KIF26B: variants seen among roughly 807,000 people sequenced by gnomAD.
KIF26B encodes the protein kinesin-like protein KIF26B.
KIF26B carries 63 observed loss-of-function variants against 151.2 expected under a neutral mutation model. The observed-to-expected ratio is 0.42, with a 90% CI of 0.34 to 0.51. The LOEUF (loss-of-function observed/expected upper bound fraction) is 0.51. KIF26B is among the 20% of genes least tolerant of loss of function. The pLI is 0.07. For missense variants in KIF26B, 2,813 were observed against 2,913.6 expected, an observed-to-expected ratio of 0.97 and a Z score of 0.79; for synonymous variants, 1,357 against 1,262.1, an observed-to-expected ratio of 1.08 and a Z score of -1.59.
intron 2 of KIF26B, among the ~76,000 whole-genome samples, chr1:245,177,454 T>A (rs1668828813): frequency 6.6e-6 from 1 of 152,268 alleles, no homozygotes; most frequent in East Asian, 1.9e-4. Context: ...CTGGACTATG[T>A]TGGGGGCATT....
At position 245,685,823 on chromosome 1, in the gene KIF26B, T is replaced by C. The variant is rs750832065; in HGVS notation, c.2840T>C (p.Phe947Ser). 3 of 1,610,846 alleles carry C rather than the reference T, an allele frequency of 1.9e-6. No individual in the cohort carries two copies. The highest frequency in any genetic ancestry group is 1.1e-5 in the South Asian group (1 of 90,962). ...DGSEEPSSFP[F>S]EELPAQFGPE... ...AGCGAGGAGCCCAGCAGCTTTCCTT[T>C]CGAAGAACTGCCTGCTCAGTTTGGG... Residue 947 changes from phenylalanine to serine, a missense_variant, in exon 12 of 15, where the codon TTC (phenylalanine) becomes TCC (serine). By Grantham distance (155) the Phe-to-Ser change is radical. Coordinates refer to ENST00000407071, the MANE Select transcript of KIF26B (RefSeq NM_018012.4).
At chr1:245,635,145 G>T (rs2043821753) in intron 9 of KIF26B, among the ~76,000 whole-genome samples, 1 of 145,422 alleles carries the variant, frequency 6.9e-6, no homozygotes, top group Non-Finnish European at 1.5e-5. Flanking sequence ...TTTGGTATCA[G>T]ATTAGTATAG....
intron 2 of KIF26B, among the ~76,000 whole-genome samples, chr1:245,202,741 C>CT (rs1206484072): frequency 9.4e-5 from 11 of 116,782 alleles, no homozygotes; most frequent in African/African-American, 1.7e-4. Flanking sequence ...GCCTGGGTGA[C>CT]AGAGCGAGAC....
rs1041267801 is a variant in KIF26B at position 245,704,309 on chromosome 1, A to G, written c.*1703A>G. 2 of 152,266 alleles carry G rather than the reference A, an allele frequency of 1.3e-5. No homozygotes were observed. Among genetic ancestry groups the G allele is most frequent in the East Asian group, 1.9e-4 (1 of 5,194 alleles). The allele number at this position is 152,266 out of a possible 1,614,324, so 9.4% of individuals were successfully genotyped here. A position where few individuals can be genotyped will look rare whatever the true frequency, so the allele number is the denominator to read the frequency against. ...CAGCCACTCCCCAAGCGGGGAAAAA[A>G]ACACTACGTTTCTTGGTCAGTGTAC... is the stretch of plus-strand genomic sequence containing the variant. On this transcript the variant is annotated 3_prime_UTR_variant, in exon 15 of 15. Transcript: ENST00000407071.
intron 2 of KIF26B, among the ~76,000 whole-genome samples, chr1:245,248,099 C>G (rs1670369829): frequency 6.6e-6 from 1 of 151,996 alleles, no homozygotes; most frequent in Non-Finnish European, 1.5e-5. Context: ...GAGTCTGAGC[C>G]TTACAGCTAA....
intron 10 of KIF26B, among the ~76,000 whole-genome samples, chr1:245,663,422 A>G (rs2044179764): frequency 6.6e-6 from 1 of 151,840 alleles, no homozygotes; most frequent in South Asian, 2.1e-4. Flanking sequence ...AAACAGTTTA[A>G]TTGTCTCTAA....
In KIF26B at chr1:245,480,244, A is replaced by C. The variant is rs549149458; in HGVS notation, c.1166+60499A>C. Among the ~76,000 whole-genome samples, 3 of 94,128 alleles carry C rather than the reference A, an allele frequency of 3.2e-5. No individual in the cohort carries two copies. In the South Asian group the frequency reaches 1.5e-3, roughly 48 times the overall value. The allele number at this position is 94,128 out of a possible 152,430, so 61.8% of individuals were successfully genotyped here. On this transcript the variant is annotated intron_variant, in intron 4 of 14. Transcript: ENST00000407071. ...CAGTGAGCCATGACCGTGCCACTGC[A>C]CTCCAGCCTGAGCAACAAAGACCCT... is the stretch of plus-strand genomic sequence containing the variant.
chr1:245,544,430 G>C (rs1403622763), intron 5 of KIF26B, among the ~76,000 whole-genome samples: 2 of 152,018 alleles, frequency 1.3e-5, no homozygotes, highest in Non-Finnish European at 2.9e-5. Context: ...TCACCCAGCC[G>C]GACCACTGCC....
intron 4 of KIF26B, among the ~76,000 whole-genome samples, chr1:245,447,247 C>T (rs757846275): frequency 3.9e-5 from 6 of 152,174 alleles, no homozygotes; most frequent in Non-Finnish European, 8.8e-5. Context: ...TCACTTGAGA[C>T]TGATGGTGCT....
chr1:245,688,302 G>GC lies in KIF26B; in HGVS notation c.5325dup (p.Gly1776ArgfsTer213), dbSNP rs775312877. On this transcript the variant is annotated frameshift_variant, in exon 12 of 15. Transcript: ENST00000407071. LOFTEE classifies it high-confidence loss of function. ...AGGCGGTGGGCCAGGGCTCCAGCTC[G>GC]CCCCCCGGTGGGAAGCACACGCCCT... 3.1e-6 allele frequency: 5 copies of GC among 1,595,646 alleles called. No homozygotes were observed. The highest frequency in any genetic ancestry group is 4.2e-6 in the Non-Finnish European group (5 of 1,178,054).
At chr1:245,438,157 T>A (rs1283784800) in intron 4 of KIF26B, among the ~76,000 whole-genome samples, 5 of 152,196 alleles carry the variant, frequency 3.3e-5, no homozygotes, top group Non-Finnish European at 2.9e-5. Context: ...TTGGATGAAT[T>A]TGGTTAGCCT....
At chr1:245,224,144 G>C (rs1669828719) in intron 2 of KIF26B, among the ~76,000 whole-genome samples, 1 of 152,160 alleles carries the variant, frequency 6.6e-6, no homozygotes, top group African/African-American at 2.4e-5. Flanking sequence ...AATTAGCCGG[G>C]TGTGGTGGCG....
At chr1:245,553,989 C>T (rs116338766) in intron 5 of KIF26B, among the ~76,000 whole-genome samples, 15 of 152,274 alleles carry the variant, frequency 9.9e-5, no homozygotes, top group Admixed American at 5.9e-4. Flanking sequence ...TGTCTGGCCT[C>T]GGCTTTTACT....
intron 4 of KIF26B, among the ~76,000 whole-genome samples, chr1:245,521,964 T>C (rs111397907): frequency 1.3e-5 from 2 of 149,924 alleles, no homozygotes; most frequent in Non-Finnish European, 3.0e-5. Context: ...CTGCCTCCCG[T>C]GTTCACGCCA....
chr1:245,622,857 C>T (rs1320042619), intron 9 of KIF26B, among the ~76,000 whole-genome samples: 1 of 151,932 alleles, frequency 6.6e-6, no homozygotes, highest in Non-Finnish European at 1.5e-5. Context: ...GGGTGATGTA[C>T]CCAGAGACAC....
intron 4 of KIF26B, among the ~76,000 whole-genome samples, chr1:245,535,761 C>T (rs796635531): frequency 5.3e-5 from 8 of 152,274 alleles, no homozygotes; most frequent in Non-Finnish European, 8.8e-5. Flanking sequence ...AGATACAATA[C>T]GGTACAATAC....
intron 2 of KIF26B, among the ~76,000 whole-genome samples, chr1:245,350,120 G>A (rs1397139): frequency 0.23 from 35,332 of 151,840 alleles, 8,219 homozygotes; most frequent in African/African-American, 0.6. Context: ...TCCAAAGACT[G>A]CTGGGCTGGA....
At chr1:245,521,108 C>A (rs767060590) in intron 4 of KIF26B, among the ~76,000 whole-genome samples, 3 of 152,102 alleles carry the variant, frequency 2.0e-5, no homozygotes, top group African/African-American at 7.2e-5. Context: ...GAGGCCGAGG[C>A]GGGCGGATCA....
At position 245,625,448 on chromosome 1, in the gene KIF26B, C is replaced by T. The variant is rs549452107; in HGVS notation, c.2098+13472C>T. ...CTCTAGTTTAGGTTTTTATTAGTTC[C>T]CTTCAGTAATTTTTTAAAGTAGGAA... On this transcript the variant is annotated intron_variant, in intron 9 of 14. Transcript: ENST00000407071. 4.6e-5 allele frequency among the ~76,000 whole-genome samples: 7 copies of T among 152,062 alleles called. No homozygotes were observed. The East Asian group carries it at 5.8e-4, about 13-fold the overall frequency.
Sources: allele counts gnomAD v4.1 joint callset (sites outside exome capture counted in the v4.1 genomes callset), GRCh38; gene constraint gnomAD v4.1.1; transcripts MANE v1.5; gene names NCBI Gene and HGNC (gene_info 2026-07-23, HGNC 2026-07-21).